Variants in THADA observed in about 807,000 individuals in gnomAD.
THADA encodes tRNA (32-2'-O)-methyltransferase regulator THADA.
THADA carries 213 observed loss-of-function variants against 219.8 expected under a neutral mutation model. The observed-to-expected ratio is 0.97, with a 90% CI of 0.87 to 1.09. The LOEUF (loss-of-function observed/expected upper bound fraction) is 1.09, where lower values mean the gene tolerates loss of function less well. THADA is among the 50% of genes least tolerant of loss of function. THADA has a pLI of 0.00. For missense variants in THADA, 2,956 were observed against 2,311.3 expected (o/e 1.28, Z -5.72); for synonymous variants, 1,018 against 828.9 (o/e 1.23, Z -3.92).
chr2:43,491,494 G>A (rs930513426), intron 25 of THADA, among the ~76,000 whole-genome samples: 5 of 152,130 alleles, frequency 3.3e-5, no homozygotes, highest in African/African-American at 1.2e-4. Context: ...GGTCAACAAT[G>A]GACCACATAT....
chr2:43,436,969 T>C lies in THADA; in HGVS notation c.3837-6667A>G, dbSNP rs112425452. Reference sequence around the variant, plus strand: ...AAGGAAATACCACCAGTAGGTCATATAGCTCTCAGATGTCTACGAAGATCT... The same window carrying C: ...AAGGAAATACCACCAGTAGGTCATACAGCTCTCAGATGTCTACGAAGATCT... On this transcript the variant is annotated intron_variant, in intron 26 of 37. Coordinates refer to ENST00000405975, the MANE Select transcript of THADA (RefSeq NM_022065.5). Among the ~76,000 whole-genome samples the C allele has an allele frequency of 5.9e-4, 90 of 152,340 alleles. 1 individual carries two copies. In the East Asian group the frequency reaches 8.9e-3, roughly 15 times the overall value.
chr2:43,450,742 T>G (rs1189303202), intron 26 of THADA, among the ~76,000 whole-genome samples: 1 of 152,182 alleles, frequency 6.6e-6, no homozygotes, highest in Non-Finnish European at 1.5e-5. Context: ...GAGACTTGCT[T>G]TAGCTCTAGG....
chr2:43,242,767 G>T (rs759438117), intron 36 of THADA, among the ~76,000 whole-genome samples: 12 of 152,208 alleles, frequency 7.9e-5, no homozygotes, highest in Non-Finnish European at 1.6e-4. Context: ...GGGACTACAG[G>T]TGTGAGCCAC....
At chr2:43,582,053 T>A (rs776096050) in intron 7 of THADA, 125 bp from the exon 8 acceptor site, 79 of 671,906 alleles carry the variant, frequency 1.2e-4, no homozygotes, top group Non-Finnish European at 5.7e-5. Flanking sequence ...TGATAATTTA[T>A]TCCTCTCTCT....
intron 20 of THADA, among the ~76,000 whole-genome samples, chr2:43,545,883 C>T (rs1161399776): frequency 6.6e-6 from 1 of 152,092 alleles, no homozygotes; most frequent in Non-Finnish European, 1.5e-5. Context: ...TTCAGTTCTG[C>T]TCTGACTTTA....
Position 43,581,828 on chromosome 2 carries a change from G to C in THADA, c.634C>G (p.Gln212Glu). The C allele has an allele frequency of 6.2e-7, 1 of 1,612,618 alleles. No individual in the cohort carries two copies. Among genetic ancestry groups the C allele is most frequent in the Non-Finnish European group, 8.5e-7 (1 of 1,179,578 alleles). Residue 212 changes from glutamine to glutamate, a missense_variant, in exon 8 of 38, where the codon CAG (glutamine) becomes GAG (glutamate). Gln to Glu is a conservative substitution (Grantham distance 29, BLOSUM62 2). Transcript: ENST00000405975. ...TCGGAAGTCTTCCAAAGATTTCCCT[G>C]GAAATCTTGTACTTTCTGTACTAAC... Reference protein sequence around the residue: ...MMLVQKVQDFQGNLWKTSDSP... With the variant: ...MMLVQKVQDFEGNLWKTSDSP...
At chr2:43,378,272 G>C (rs1229199698) in intron 29 of THADA, among the ~76,000 whole-genome samples, 1 of 152,144 alleles carries the variant, frequency 6.6e-6, no homozygotes, top group Non-Finnish European at 1.5e-5. Context: ...AATGGAATCA[G>C]TGAACTAGAA....
intron 26 of THADA, among the ~76,000 whole-genome samples, chr2:43,478,786 C>T (rs1007044018): frequency 6.6e-6 from 1 of 152,140 alleles, no homozygotes; most frequent in Non-Finnish European, 1.5e-5. Flanking sequence ...TTCATGAAAA[C>T]ATTTCTTTTG....
At chr2:43,361,081 G>C (rs1669468069) in intron 29 of THADA, among the ~76,000 whole-genome samples, 2 of 152,126 alleles carry the variant, frequency 1.3e-5, no homozygotes, top group Admixed American at 1.3e-4. Context: ...GCTACCAGTA[G>C]ACAGAGGCCA....
At chr2:43,558,049 G>A (rs1697596570) in intron 16 of THADA, among the ~76,000 whole-genome samples, 1 of 152,152 alleles carries the variant, frequency 6.6e-6, no homozygotes, top group Admixed American at 6.5e-5. Context: ...TTAAGTCCCA[G>A]AACTGTTTTA....
At chr2:43,347,598 A>C (rs1334672919) in intron 29 of THADA, among the ~76,000 whole-genome samples, 1 of 152,250 alleles carries the variant, frequency 6.6e-6, no homozygotes, top group East Asian at 1.9e-4. Context: ...ATTGTAACAA[A>C]TGCACCACAT....
chr2:43,473,025 A>G (rs1332545538), intron 26 of THADA, among the ~76,000 whole-genome samples: 2 of 152,204 alleles, frequency 1.3e-5, no homozygotes, highest in Non-Finnish European at 2.9e-5. Flanking sequence ...ATGAAGGCCT[A>G]GAACACTGCT....
Position 43,574,950 on chromosome 2 carries a change from T to C in THADA, c.1115A>G (p.Glu372Gly), listed in dbSNP as rs1284268876. The C allele has an allele frequency of 1.2e-6, 2 of 1,613,930 alleles. No individual in the cohort carries two copies. Among genetic ancestry groups the C allele is most frequent in the Non-Finnish European group, 1.7e-6 (2 of 1,179,908 alleles). The change falls in exon 11 of 38, where the codon GAA becomes GGA. Residue 372 changes from glutamate (E) to glycine (G), a missense_variant. Transcript: ENST00000405975. ...SWTNSAIQVL[E>G]SSSPSLTDSL... Reference sequence around the variant, plus strand: ...GTCCGTTAGGCTCGGGGAACTTGATTCAAGGACTTGTATGGCTGAATTAGT... The same window carrying C: ...GTCCGTTAGGCTCGGGGAACTTGATCCAAGGACTTGTATGGCTGAATTAGT...
chr2:43,399,374 T>A (rs1390006608), intron 28 of THADA, among the ~76,000 whole-genome samples: 5 of 152,236 alleles, frequency 3.3e-5, no homozygotes, highest in Non-Finnish European at 5.9e-5. Context: ...ATGGCCATGT[T>A]GGCTCAGTAA....
intron 29 of THADA, among the ~76,000 whole-genome samples, chr2:43,390,853 T>A (rs1401964838): frequency 1.3e-5 from 2 of 152,130 alleles, no homozygotes; most frequent in Non-Finnish European, 2.9e-5. Context: ...AATAAATAGA[T>A]GACATCAAAT....
chr2:43,483,199 G>T (rs1686452665), intron 26 of THADA, among the ~76,000 whole-genome samples: 1 of 152,152 alleles, frequency 6.6e-6, no homozygotes, highest in Non-Finnish European at 1.5e-5. Flanking sequence ...CGGTGGATAA[G>T]TAACCAACCA....
intron 34 of THADA, among the ~76,000 whole-genome samples, chr2:43,290,820 C>T (rs947595705): frequency 7.3e-5 from 11 of 151,616 alleles, no homozygotes; most frequent in African/African-American, 2.7e-4. Context: ...TTGTATGCAC[C>T]TAAGTAGCAT....
At position 43,262,023 on chromosome 2, in the gene THADA, C is replaced by T. The variant is rs543669213; in HGVS notation, c.5296+17742G>A. On this transcript the variant is annotated intron_variant, in intron 36 of 37. Coordinates refer to ENST00000405975, the MANE Select transcript of THADA (RefSeq NM_022065.5). ...CTGACCTCAGGTGATCCACCCGCCT[C>T]GGCCTCTCAAAGTGCTGGGTGTGCA... Among the ~76,000 whole-genome samples the T allele has an allele frequency of 5.8e-4, 88 of 152,330 alleles. 1 individual carries two copies. The highest frequency in any genetic ancestry group is 1.7e-3 in the African/African-American group (71 of 41,578).
At chr2:43,511,839 G>T (rs1180776764) in intron 22 of THADA, among the ~76,000 whole-genome samples, 1 of 152,176 alleles carries the variant, frequency 6.6e-6, no homozygotes, top group African/African-American at 2.4e-5. Context: ...CAGTGTCATG[G>T]AAGGGCTGGA....
Sources: allele counts gnomAD v4.1 joint callset (sites outside exome capture counted in the v4.1 genomes callset), GRCh38; gene constraint gnomAD v4.1.1; transcripts MANE v1.5; gene names NCBI Gene and HGNC (gene_info 2026-07-23, HGNC 2026-07-21).